Variants in CTNNAL1 observed in about 807,000 individuals in gnomAD.
CTNNAL1 encodes the protein catenin alpha like 1.
In CTNNAL1, 69 loss-of-function variants were observed where a neutral mutation model predicts 93.6. That is an observed-to-expected ratio of 0.74 (90% CI 0.61 to 0.90). The LOEUF (loss-of-function observed/expected upper bound fraction) is 0.90, where lower values mean the gene tolerates loss of function less well. CTNNAL1 is among the 40% of genes least tolerant of loss of function. The pLI, the probability that CTNNAL1 is intolerant of heterozygous loss-of-function variation, is 0.00. For synonymous variants in CTNNAL1, 286 were observed against 305.4 expected, an observed-to-expected ratio of 0.94 and a Z score of 0.66; for missense variants, 836 against 862.0, an observed-to-expected ratio of 0.97 and a Z score of 0.38.
chr9:108,961,415 G>T (rs796950512), intron 11 of CTNNAL1, among the ~76,000 whole-genome samples: 1 of 152,120 alleles, frequency 6.6e-6, no homozygotes, highest in African/African-American at 2.4e-5. Flanking sequence ...AATAAAGGCA[G>T]TACACACAAT....
chr9:109,008,880 T>TG (rs1321500303), intron 1 of CTNNAL1, among the ~76,000 whole-genome samples: 11 of 82,302 alleles, frequency 1.3e-4, no homozygotes, highest in Non-Finnish European at 2.3e-4. Context: ...GAGGTTCTTT[T>TG]TTTTTTTTTT....
At chr9:109,000,814 A>G (rs1258559561) in intron 1 of CTNNAL1, among the ~76,000 whole-genome samples, 2 of 152,050 alleles carry the variant, frequency 1.3e-5, no homozygotes, top group African/African-American at 2.4e-5. Flanking sequence ...CCAATATCCA[A>G]GAGATGGGAT....
intron 5 of CTNNAL1, 28 bp downstream of exon 5, chr9:108,984,319 T>C: frequency 1.7e-6 from 2 of 1,187,376 alleles, no homozygotes; most frequent in Non-Finnish European, 2.5e-6. Flanking sequence ...TATTAATTTA[T>C]TACACAGTAA....
chr9:108,985,964 C>A (rs1831591193), intron 4 of CTNNAL1, among the ~76,000 whole-genome samples: 1 of 152,118 alleles, frequency 6.6e-6, no homozygotes, highest in Admixed American at 6.5e-5. Flanking sequence ...CGAAGCATCC[C>A]AATACCTCCA....
intron 4 of CTNNAL1, among the ~76,000 whole-genome samples, chr9:108,989,199 A>G (rs1370429162): frequency 6.6e-6 from 1 of 152,242 alleles, no homozygotes; most frequent in Non-Finnish European, 1.5e-5. Context: ...GAAGCTGAAG[A>G]GGATCCTGTA....
chr9:108,972,053 T>A (rs1831129058), intron 9 of CTNNAL1, among the ~76,000 whole-genome samples: 1 of 152,148 alleles, frequency 6.6e-6, no homozygotes, highest in Non-Finnish European at 1.5e-5. Context: ...CATCCACAGA[T>A]GAGCAGGACT....
intron 7 of CTNNAL1, among the ~76,000 whole-genome samples, chr9:108,978,629 T>C (rs910892179): frequency 4.6e-5 from 7 of 152,242 alleles, no homozygotes; most frequent in African/African-American, 1.7e-4. Context: ...ACACACTTCC[T>C]GTCTGTCCCA....
At chr9:108,997,383 C>T (rs368901079) in intron 2 of CTNNAL1, among the ~76,000 whole-genome samples, 4 of 152,164 alleles carry the variant, frequency 2.6e-5, no homozygotes, top group African/African-American at 7.2e-5. Flanking sequence ...TGTCCTCATT[C>T]GTTCACTTCC....
At chr9:108,999,475 T>C (rs773862211) in intron 1 of CTNNAL1, among the ~76,000 whole-genome samples, 81 of 152,310 alleles carry the variant, frequency 5.3e-4, no homozygotes, top group Non-Finnish European at 2.6e-4. Flanking sequence ...TGAGGGCAGT[T>C]ATCTGGGGCA....
chr9:108,999,205 G>C lies in CTNNAL1; in HGVS notation c.193C>G (p.Leu65Val), dbSNP rs1403480238. The C allele has an allele frequency of 6.2e-7, 1 of 1,610,990 alleles. No individual in the cohort carries two copies. The stretch of plus-strand genomic sequence containing the variant: ...TGTCCTACACGCTGAATTGCTTGCA[G>C]AGTTTTATCAGACTTTTTGGTATTA... ...KDNTKKSDKT[L>V]QAIQRVGQAV... is the part of the protein sequence containing the mutation. Residue 65 changes from leucine to valine, a missense_variant, in exon 2 of 19, where the codon CTG becomes GTG. Transcript: ENST00000325551.
Position 108,943,746 on chromosome 9 carries a change from T to G in CTNNAL1, c.2012A>C (p.Gln671Pro). ...NKLIPLCHQL[Q>P]TVTKTSLQNK... ...CTGCAAAGAAGTCTTAGTTACTGTC[T>G]GGAGCTGGTGGCATAGAGGAATTAG... Residue 671 changes from glutamine to proline, a missense_variant, in exon 17 of 19, where the codon CAG (glutamine) becomes CCG (proline). Transcript: ENST00000325551. 1 of 1,613,848 alleles carries G rather than the reference T, an allele frequency of 6.2e-7. No individual in the cohort carries two copies. The highest frequency in any genetic ancestry group is 8.5e-7 in the Non-Finnish European group (1 of 1,179,874).
At position 108,952,312 on chromosome 9, in the gene CTNNAL1, C is replaced by T. The variant is rs992327272; in HGVS notation, c.1732G>A (p.Asp578Asn). 21 of 1,614,096 alleles carry T rather than the reference C, an allele frequency of 1.3e-5. No individual in the cohort carries two copies. Among genetic ancestry groups the T allele is most frequent in the Non-Finnish European group, 1.7e-5 (20 of 1,180,046 alleles). ...CACTTCTCAATTTCGCAGTCAGCGT[C>T]AGAGGTGAGCAAACCCAGCTTAAGT... Reference protein sequence around the residue: ...LGLKLGLLTSDADCEIEKWED... With the variant: ...LGLKLGLLTSNADCEIEKWED... The change falls in exon 14 of 19, where the codon GAC becomes AAC. Residue 578 changes from aspartate (D) to asparagine (N), a missense_variant. Asp to Asn is a conservative substitution (Grantham distance 23). Coordinates refer to ENST00000325551, the MANE Select transcript of CTNNAL1 (RefSeq NM_003798.4).
At chr9:108,959,034 C>T (rs1202354057) in intron 11 of CTNNAL1, among the ~76,000 whole-genome samples, 2 of 151,010 alleles carry the variant, frequency 1.3e-5, no homozygotes, top group African/African-American at 2.4e-5. Flanking sequence ...GAGGCCAATG[C>T]GGGAGGGTTA....
At chr9:109,002,317 A>T (rs919257701) in intron 1 of CTNNAL1, among the ~76,000 whole-genome samples, 14 of 151,730 alleles carry the variant, frequency 9.2e-5, no homozygotes, top group African/African-American at 3.4e-4. Context: ...TGACCTAATC[A>T]CCTCCCAAAG....
chr9:109,002,690 T>C (rs1210795127), intron 1 of CTNNAL1, among the ~76,000 whole-genome samples: 1 of 152,052 alleles, frequency 6.6e-6, no homozygotes, highest in Non-Finnish European at 1.5e-5. Flanking sequence ...GTTTTAAAAA[T>C]TCCTTCTCCA....
intron 1 of CTNNAL1, among the ~76,000 whole-genome samples, chr9:109,005,631 C>A (rs1827001295): frequency 6.6e-6 from 1 of 152,174 alleles, no homozygotes; most frequent in Non-Finnish European, 1.5e-5. Flanking sequence ...GAACCCTGAT[C>A]CTAGACTACC....
chr9:109,012,533 C>G (rs1827237382), intron 1 of CTNNAL1, among the ~76,000 whole-genome samples: 1 of 152,184 alleles, frequency 6.6e-6, no homozygotes, highest in Admixed American at 6.5e-5. Flanking sequence ...GCATATAACC[C>G]AGCTCAGAGA....
intron 6 of CTNNAL1, among the ~76,000 whole-genome samples, chr9:108,981,127 G>A (rs1392092959): frequency 6.6e-6 from 1 of 152,250 alleles, no homozygotes; most frequent in East Asian, 1.9e-4. Flanking sequence ...GCAGAGCACT[G>A]CCCCTCCTTC....
intron 1 of CTNNAL1, among the ~76,000 whole-genome samples, chr9:109,002,821 T>TAAA (rs78555162): frequency 8.0e-6 from 1 of 124,928 alleles, no homozygotes; most frequent in Admixed American, 8.3e-5. Flanking sequence ...CCATCTCCAC[T>TAAA]AAAAAAAAAA....
Sources: gnomAD v4.1 joint callset for allele counts (sites outside exome capture counted in the v4.1 genomes callset) on GRCh38, gnomAD v4.1.1 for gene constraint, MANE v1.5 for transcripts, NCBI Gene and HGNC (gene_info 2026-07-23, HGNC 2026-07-21) for gene names.